BIN1: variants seen among roughly 807,000 people sequenced by gnomAD.
The protein encoded by BIN1 is bridging integrator 1, also known as myc box-dependent-interacting protein 1.
In BIN1, 53 loss-of-function variants were observed where a neutral mutation model predicts 82.0. That is an observed-to-expected ratio of 0.65 (90% CI 0.52 to 0.81). The LOEUF (loss-of-function observed/expected upper bound fraction) is 0.81. Ranked by LOEUF, BIN1 falls within the 40% of genes least tolerant of loss-of-function variation. The pLI, the probability that BIN1 is intolerant of heterozygous loss-of-function variation, is 0.00. For missense variants in BIN1, 642 were observed against 784.4 expected (o/e 0.82, Z 2.17); for synonymous variants, 302 against 328.0 (o/e 0.92, Z 0.86).
At chr2:127,100,619 A>G (rs1412990567) in intron 1 of BIN1, among the ~76,000 whole-genome samples, 1 of 152,202 alleles carries the variant, frequency 6.6e-6, no homozygotes, top group East Asian at 1.9e-4. Context: ...GCAGGAAACA[A>G]TGCCATTATG....
At chr2:127,088,804 G>A (rs1678531925) in intron 1 of BIN1, among the ~76,000 whole-genome samples, 1 of 151,934 alleles carries the variant, frequency 6.6e-6, no homozygotes, top group African/African-American at 2.4e-5. Flanking sequence ...GCTGCTCTTA[G>A]GAAGGAACTC....
rs114383514 is a variant in BIN1, at chr2:127,053,569, G to A, written c.1240-124C>T. On this transcript the variant is annotated intron_variant, in intron 13 of 18. Coordinates refer to ENST00000316724, the MANE Select transcript of BIN1 (RefSeq NM_139343.3). ...CATCCAGCCCAGCAGGCACAGGAGT[G>A]GCTCGGAGCCAGGTAGACTCCAAGA... 4.8e-4 allele frequency: 633 copies of A among 1,306,294 alleles called. 3 individuals carry two copies. In the African/African-American group the frequency reaches 7.2e-3, roughly 15 times the overall value. The allele number at this position is 1,306,294 out of a possible 1,614,324, so 80.9% of individuals were successfully genotyped here. A position where few individuals can be genotyped will look rare whatever the true frequency, so the allele number is the denominator to read the frequency against.
chr2:127,087,903 C>T (rs1678396870), intron 1 of BIN1, among the ~76,000 whole-genome samples: 1 of 152,212 alleles, frequency 6.6e-6, no homozygotes, highest in Non-Finnish European at 1.5e-5. Flanking sequence ...TCTTAGCCAT[C>T]AGCAGAACCA....
rs1004143821 is a variant in BIN1, at chr2:127,057,631, G to A, written c.1003-30C>T. The A allele has an allele frequency of 7.3e-6, 11 of 1,496,862 alleles. No individual in the cohort carries two copies. The highest frequency in any genetic ancestry group is 2.5e-5 in the East Asian group (1 of 40,044). The allele number at this position is 1,496,862 out of a possible 1,614,324, so 92.7% of individuals were successfully genotyped here. On this transcript the variant is annotated intron_variant, in intron 11 of 18. Transcript: ENST00000316724. The surrounding 1 kb of genome is among the most constrained non-coding windows in gnomAD (Gnocchi z 5.0). ...GGGTCGGCGGCGGGTGAGGGGCCGC[G>A]CGGGAAGGCACAGCAGAGCACGGGG... is the stretch of plus-strand genomic sequence containing the variant.
In BIN1 at chr2:127,057,471, A is replaced by G; in HGVS notation, c.1131+2T>C. On this transcript the variant is annotated splice_donor_variant, in intron 12 of 18. Transcript: ENST00000316724. LOFTEE classifies it high-confidence loss of function. This position sits in a 1 kb window ranked among gnomAD's most constrained non-coding sequence, Gnocchi z 5.0. ...AGCTGGGCCGCGGCGGCCGCGGCTG[A>G]CCTGGGAGGGGGTGGTCACGCTGAT... The G allele has an allele frequency of 6.5e-7, 1 of 1,546,100 alleles. No homozygotes were observed. The highest frequency in any genetic ancestry group is 8.7e-7 in the Non-Finnish European group (1 of 1,143,884).
intron 1 of BIN1, 34 bp downstream of exon 1, chr2:127,106,826 G>A: frequency 6.4e-7 from 1 of 1,572,032 alleles, no homozygotes; most frequent in Non-Finnish European, 8.6e-7. Context: ...CGGCGGCTGG[G>A]ACTCCGCGGC....
chr2:127,074,423 G>C lies in BIN1; in HGVS notation c.165+2203C>G, dbSNP rs573455976. Among the ~76,000 whole-genome samples the C allele has an allele frequency of 4.6e-5, 7 of 152,286 alleles. No homozygotes were observed. In the East Asian group the frequency reaches 1.4e-3, roughly 29 times the overall value. On this transcript the variant is annotated intron_variant, in intron 2 of 18. Transcript: ENST00000316724. Reference sequence around the variant, plus strand: ...GCCACCCCACCAAACCTGAGCCCGGGGGCAGACAGAGGCCCAGCTCAGGAC... The same window carrying C: ...GCCACCCCACCAAACCTGAGCCCGGCGGCAGACAGAGGCCCAGCTCAGGAC...
At chr2:127,060,342 G>A (rs950193975) in intron 10 of BIN1, among the ~76,000 whole-genome samples, 5 of 152,204 alleles carry the variant, frequency 3.3e-5, no homozygotes, top group African/African-American at 9.6e-5. Flanking sequence ...CTGGTGGCCC[G>A]GGCACCACCA....
rs1197245990 is a variant in BIN1 at position 127,090,388 on chromosome 2, C to A, written c.85-13682G>T. On this transcript the variant is annotated intron_variant, in intron 1 of 18. Transcript: ENST00000316724. The surrounding 1 kb of genome is among the most constrained non-coding windows in gnomAD (Gnocchi z 6.4). Reference sequence around the variant, plus strand: ...CAGCAAGGGCATGGCCGCGGGGCATCAGTGACACAGGGCGACCCTCCACCA... The same window carrying A: ...CAGCAAGGGCATGGCCGCGGGGCATAAGTGACACAGGGCGACCCTCCACCA... Among the ~76,000 whole-genome samples the A allele has an allele frequency of 6.6e-6, 1 of 152,254 alleles. No homozygotes were observed. The highest frequency in any genetic ancestry group is 2.4e-5 in the African/African-American group (1 of 41,474).
chr2:127,075,106 G>C lies in BIN1; in HGVS notation c.165+1520C>G, dbSNP rs141817721. Among the ~76,000 whole-genome samples the C allele has an allele frequency of 4.9e-4, 75 of 152,284 alleles. No homozygotes were observed. In the South Asian group the frequency reaches 0.015, roughly 30 times the overall value. ...GGGATCAGCTCCAGAGAGGAAACTC[G>C]ATAGTGAACCAAAGGCCACAGAGCC... On this transcript the variant is annotated intron_variant, in intron 2 of 18. Coordinates refer to ENST00000316724, the MANE Select transcript of BIN1 (RefSeq NM_139343.3).
rs1683785292 is a variant in BIN1 at position 127,057,121 on chromosome 2, C to A, written c.1131+352G>T. 6.6e-6 allele frequency among the ~76,000 whole-genome samples: 1 copy of A among 152,252 alleles called. No individual in the cohort carries two copies. The highest frequency in any genetic ancestry group is 2.1e-4 in the South Asian group (1 of 4,836). On this transcript the variant is annotated intron_variant, in intron 12 of 18. Coordinates refer to ENST00000316724, the MANE Select transcript of BIN1 (RefSeq NM_139343.3). The surrounding 1 kb of genome is among the most constrained non-coding windows in gnomAD (Gnocchi z 5.0). The stretch of plus-strand genomic sequence containing the variant: ...TCAGCCATTCCAGGACCTTCCAACT[C>A]TCCCTGGCCCTGGAAGCCTTCCCTG...
Position 127,093,584 on chromosome 2 carries a change from C to T in BIN1, c.84+13276G>A, listed in dbSNP as rs1679213384. On this transcript the variant is annotated intron_variant, in intron 1 of 18. Coordinates refer to ENST00000316724, the MANE Select transcript of BIN1 (RefSeq NM_139343.3). This position sits in a 1 kb window ranked among gnomAD's most constrained non-coding sequence, Gnocchi z 5.7. ...TCACCATTAGGTCACACCCGTTGTC[C>T]CATCATATGTCTACACGGCTGTCCA... Among the ~76,000 whole-genome samples the T allele has an allele frequency of 6.6e-6, 1 of 152,184 alleles. No homozygotes were observed. Among genetic ancestry groups the T allele is most frequent in the Admixed American group, 6.5e-5 (1 of 15,280 alleles).
At chr2:127,063,308 G>A (rs1038739780) in intron 9 of BIN1, among the ~76,000 whole-genome samples, 1 of 152,194 alleles carries the variant, frequency 6.6e-6, no homozygotes, top group Non-Finnish European at 1.5e-5. Context: ...CAGTTTGAGA[G>A]GGCCTGGTCT....
chr2:127,062,309 C>T (rs1168714763), intron 9 of BIN1, 112 bp from the exon 10 acceptor site: 21 of 1,068,082 alleles, frequency 2.0e-5, no homozygotes, highest in Non-Finnish European at 2.6e-5. Flanking sequence ...CAGGAACAAG[C>T]TCCTCTTTCC....
rs767253147 is a variant in BIN1, at chr2:127,060,569, C to T, written c.858-1414G>A. ...GCCAGCCAGGGCGCGGGCCTCTGCG[C>T]CCCTCCGCAGCACTCACTGCCGGTA... On this transcript the variant is annotated intron_variant, in intron 10 of 18. Transcript: ENST00000316724. 6 of 1,613,892 alleles carry T rather than the reference C, an allele frequency of 3.7e-6. No homozygotes were observed. The East Asian group carries it at 1.1e-4, about 30-fold the overall frequency.
At chr2:127,060,838 G>T (rs1684354759) in intron 10 of BIN1, among the ~76,000 whole-genome samples, 1 of 152,226 alleles carries the variant, frequency 6.6e-6, no homozygotes, top group Non-Finnish European at 1.5e-5. Flanking sequence ...CTGTGGCCAG[G>T]TGCCCGAGGT....
chr2:127,098,207 T>C (rs1679843539), intron 1 of BIN1, among the ~76,000 whole-genome samples: 1 of 152,180 alleles, frequency 6.6e-6, no homozygotes, highest in African/African-American at 2.4e-5. Flanking sequence ...AAGGACCATA[T>C]TTCAGGAGCC....
chr2:127,049,150 C>T (rs545129456), intron 18 of BIN1, among the ~76,000 whole-genome samples: 17 of 152,288 alleles, frequency 1.1e-4, no homozygotes, highest in African/African-American at 3.8e-4. Flanking sequence ...GTGGCTGGGC[C>T]GAGGCTGCCC....
chr2:127,074,890 G>C (rs10193237), intron 2 of BIN1, among the ~76,000 whole-genome samples: 2,877 of 152,138 alleles, frequency 0.019, 99 homozygotes, highest in African/African-American at 0.066. Context: ...TTTAGTAGAG[G>C]CGGGGTTTCA....
Sources: gnomAD v4.1 joint callset for allele counts (sites outside exome capture counted in the v4.1 genomes callset) on GRCh38, gnomAD v4.1.1 for gene constraint, Gnocchi (gnomAD v3.1) non-coding constraint, MANE v1.5 for transcripts, NCBI Gene and HGNC (gene_info 2026-07-23, HGNC 2026-07-21) for gene names.